The following UBN2 variants were observed in gnomAD, a reference collection of about 807,000 sequenced individuals.
The protein encoded by UBN2 is ubinuclein-2.
A neutral mutation model predicts 120.2 loss-of-function variants in UBN2; 35 were observed. The ratio of observed to expected loss-of-function variants is 0.29; its 90% CI spans 0.22 to 0.39. UBN2 has a LOEUF of 0.39. Ranked by LOEUF, UBN2 falls within the 10% of genes least tolerant of loss-of-function variation. The probability of loss-of-function intolerance (pLI) is 1.00; values close to 1 mark genes in which losing one functional copy is unlikely to be tolerated. For synonymous variants in UBN2, 661 were observed against 648.7 expected, an observed-to-expected ratio of 1.02 and a Z score of -0.29; for missense variants, 1,693 against 1,663.2, an observed-to-expected ratio of 1.02 and a Z score of -0.31.
At chr7:139,279,239 A>G (rs2131025952) in intron 12 of UBN2, 79 bp from the exon 13 acceptor site, 3 of 1,124,170 alleles carry the variant, frequency 2.7e-6, no homozygotes, top group South Asian at 2.7e-5. Context: ...TATTTACCAC[A>G]TAATTACAAA....
the UBN2 span, among the ~76,000 whole-genome samples, chr7:139,313,314 G>A: frequency 1.3e-5 from 2 of 151,924 alleles, no homozygotes; most frequent in Non-Finnish European, 2.9e-5. Flanking sequence ...TCTCTATGAA[G>A]GTCTTGTTTA....
At chr7:139,277,948 T>G (rs1797493307) in intron 12 of UBN2, among the ~76,000 whole-genome samples, 1 of 152,200 alleles carries the variant, frequency 6.6e-6, no homozygotes, top group South Asian at 2.1e-4. Flanking sequence ...AACAGTATAC[T>G]ATAATAAAAG....
intron 13 of UBN2, 83 bp from the exon 14 acceptor site, chr7:139,281,922 T>C (rs1315331723): frequency 7.4e-7 from 1 of 1,355,476 alleles, no homozygotes; most frequent in Non-Finnish European, 1.1e-6. Context: ...TAATCAGGGG[T>C]TTTAGAGTAA....
chr7:139,267,836 A>G (rs1238279437), intron 7 of UBN2, among the ~76,000 whole-genome samples: 1 of 152,112 alleles, frequency 6.6e-6, no homozygotes, highest in African/African-American at 2.4e-5. Flanking sequence ...TTTCAGATGG[A>G]GTCTTTTCTG....
chr7:139,322,202 G>A, the UBN2 span, among the ~76,000 whole-genome samples: 1 of 152,132 alleles, frequency 6.6e-6, no homozygotes, highest in South Asian at 2.1e-4. Context: ...TCGAACTCCT[G>A]ACCTCAGGTG....
intron 1 of UBN2, among the ~76,000 whole-genome samples, chr7:139,234,179 G>A (rs1474724530): frequency 6.6e-6 from 1 of 151,960 alleles, no homozygotes; most frequent in Non-Finnish European, 1.5e-5. Context: ...AAAGTTGGTG[G>A]TTCCCAAAAT....
At chr7:139,261,848 G>GT in intron 6 of UBN2, 107 bp downstream of exon 6, 4 of 1,144,194 alleles carry the variant, frequency 3.5e-6, no homozygotes, top group Non-Finnish European at 4.7e-6. Context: ...AATTGCTTTT[G>GT]TTTTTTAAAG....
chr7:139,296,908 GAA>G (rs1798124581), intron 17 of UBN2, among the ~76,000 whole-genome samples: 1 of 151,902 alleles, frequency 6.6e-6, no homozygotes, highest in Non-Finnish European at 1.5e-5. Flanking sequence ...CTTAAAAAAA[GAA>G]AGAGCCAGGC....
intron 4 of UBN2, among the ~76,000 whole-genome samples, chr7:139,258,894 A>C (rs1358148128): frequency 6.6e-6 from 1 of 152,150 alleles, no homozygotes; most frequent in East Asian, 1.9e-4. Flanking sequence ...TATTTCTCGG[A>C]TAGGTTAATA....
chr7:139,273,034 C>T (rs1446523239), intron 9 of UBN2, among the ~76,000 whole-genome samples: 1 of 152,208 alleles, frequency 6.6e-6, no homozygotes, highest in African/African-American at 2.4e-5. Flanking sequence ...TTCACAACCC[C>T]AGCTTGACTG....
intron 2 of UBN2, among the ~76,000 whole-genome samples, chr7:139,251,100 A>G (rs1263951838): frequency 3.9e-5 from 6 of 152,202 alleles, no homozygotes; most frequent in Middle Eastern, 3.4e-3. Context: ...GTGAGACCCT[A>G]TCTCAAAAAA....
chr7:139,314,350 G>A, the UBN2 span, among the ~76,000 whole-genome samples: 1 of 151,572 alleles, frequency 6.6e-6, no homozygotes, highest in African/African-American at 2.4e-5. Flanking sequence ...AGCCACTGGG[G>A]AGTCTGAGGC....
At chr7:139,246,347 A>C (rs1382887539) in intron 2 of UBN2, among the ~76,000 whole-genome samples, 1 of 152,200 alleles carries the variant, frequency 6.6e-6, no homozygotes, top group African/African-American at 2.4e-5. Context: ...CCTGAGCGGC[A>C]ACAGAGTGAG....
Position 139,283,415 on chromosome 7 carries a change from C to T in UBN2, c.2510C>T (p.Thr837Ile). 6.2e-7 allele frequency: 1 copy of T among 1,614,096 alleles called. No individual in the cohort carries two copies. The highest frequency in any genetic ancestry group is 1.3e-5 in the African/African-American group (1 of 75,004). The change falls in exon 15 of 18, where the codon ACA becomes ATA. Residue 837 changes from threonine (T) to isoleucine (I), a missense_variant. Physicochemically the swap from Thr to Ile is moderately conservative, Grantham distance 89. Transcript: ENST00000473989. ...TCTTCAAGTCTTATTGCTGGTCACA[C>T]AGGGCCAGTACCAAAGAAACCCCAG... ...THSSSLIAGH[T>I]GPVPKKPQDL...
At chr7:139,290,997 A>G (rs912257905) in intron 15 of UBN2, among the ~76,000 whole-genome samples, 1 of 152,236 alleles carries the variant, frequency 6.6e-6, no homozygotes, top group African/African-American at 2.4e-5. Flanking sequence ...TGATACATGT[A>G]ATAAAACTGG....
the UBN2 span, among the ~76,000 whole-genome samples, chr7:139,326,417 A>G: frequency 2.0e-5 from 3 of 152,212 alleles, no homozygotes; most frequent in Non-Finnish European, 4.4e-5. Flanking sequence ...CACATTACAA[A>G]GCAGCAGGTC....
At position 139,298,518 on chromosome 7, in the gene UBN2, A is replaced by G. The variant is rs2131077994; in HGVS notation, c.*682A>G. 6.6e-6 allele frequency: 1 copy of G among 152,220 alleles called. No individual in the cohort carries two copies. The highest frequency in any genetic ancestry group is 2.4e-5 in the African/African-American group (1 of 41,524). The allele number at this position is 152,220 out of a possible 1,614,324, so 9.4% of individuals were successfully genotyped here. A position where few individuals can be genotyped will look rare whatever the true frequency, so the allele number is the denominator to read the frequency against. On this transcript the variant is annotated 3_prime_UTR_variant, in exon 18 of 18. Coordinates refer to ENST00000473989, the MANE Select transcript of UBN2 (RefSeq NM_173569.4). The stretch of plus-strand genomic sequence containing the variant: ...TAGATTTTTAAAAATCAGGAAGTTG[A>G]GCCTGTTGCTCTTAAGAGATGAAAC...
At position 139,259,521 on chromosome 7, in the gene UBN2, G is replaced by A. The variant is rs149638183; in HGVS notation, c.905+151G>A. On this transcript the variant is annotated intron_variant, in intron 5 of 17. Transcript: ENST00000473989. ...TTAGTGACTTATGTTTAATAGTATT[G>A]TAGTATTTGTTCTTAAGTAGAAGGC... 3.7e-5 allele frequency: 41 copies of A among 1,103,988 alleles called. No homozygotes were observed. The African/African-American group carries it at 6.0e-4, about 16-fold the overall frequency. The allele number at this position is 1,103,988 out of a possible 1,614,324, so 68.4% of individuals were successfully genotyped here.
chr7:139,270,991 A>G (rs1413471169), intron 8 of UBN2, among the ~76,000 whole-genome samples: 2 of 151,638 alleles, frequency 1.3e-5, no homozygotes, highest in Admixed American at 6.6e-5. Flanking sequence ...TCCATTCTCC[A>G]GGCTGGTCTC....
Sources: allele counts gnomAD v4.1 joint callset (sites outside exome capture counted in the v4.1 genomes callset), GRCh38; gene constraint gnomAD v4.1.1; transcripts MANE v1.5; gene names NCBI Gene and HGNC (gene_info 2026-07-23, HGNC 2026-07-21).